Variants in EBF2 observed in about 807,000 individuals in gnomAD.
The protein encoded by EBF2 is EBF transcription factor 2.
EBF2 carries 21 observed loss-of-function variants against 72.8 expected under a neutral mutation model. The observed-to-expected ratio is 0.29, with a 90% confidence interval of 0.20 to 0.42. The LOEUF is 0.42. Ranked by LOEUF, EBF2 falls within the 10% of genes least tolerant of loss-of-function variation. The pLI is 1.00. For synonymous variants in EBF2, 299 were observed against 274.2 expected (o/e 1.09, Z -0.89); for missense variants, 637 against 731.2 (o/e 0.87, Z 1.49).
intron 6 of EBF2, among the ~76,000 whole-genome samples, chr8:25,944,680 TATA>T (rs1377436011): frequency 6.8e-6 from 1 of 147,958 alleles, no homozygotes; most frequent in East Asian, 1.9e-4. Context: ...TTGTATATTA[TATA>T]ATATATAAAT....
intron 6 of EBF2, among the ~76,000 whole-genome samples, chr8:25,986,851 T>C (rs1321225234): frequency 1.3e-5 from 2 of 152,192 alleles, no homozygotes; most frequent in African/African-American, 4.8e-5. Flanking sequence ...TGTAAGCAAC[T>C]GAACTCTCTT....
intron 6 of EBF2, among the ~76,000 whole-genome samples, chr8:25,934,224 T>TAC (rs71216403): frequency 0.023 from 3,191 of 136,760 alleles, 54 homozygotes; most frequent in South Asian, 0.038. Flanking sequence ...TTCATGTGCA[T>TAC]ACACACACAC....
At chr8:25,949,227 C>T (rs1441841382) in intron 6 of EBF2, among the ~76,000 whole-genome samples, 2 of 152,128 alleles carry the variant, frequency 1.3e-5, no homozygotes, top group Non-Finnish European at 2.9e-5. Context: ...CAAGGTTACA[C>T]AGCTAGAAAG....
At chr8:25,962,529 C>G (rs550581281) in intron 6 of EBF2, among the ~76,000 whole-genome samples, 167 of 151,404 alleles carry the variant, frequency 1.1e-3, no homozygotes, top group African/African-American at 3.6e-3. Flanking sequence ...TGGATCCACA[C>G]AGCCTGACCA....
At chr8:25,982,204 A>G (rs965814353) in intron 6 of EBF2, among the ~76,000 whole-genome samples, 2 of 152,302 alleles carry the variant, frequency 1.3e-5, no homozygotes, top group Admixed American at 1.3e-4. Context: ...TTCTTTTCCC[A>G]TACACCAATG....
chr8:25,853,816 T>C (rs1324386645), intron 14 of EBF2, among the ~76,000 whole-genome samples: 1 of 143,556 alleles, frequency 7.0e-6, no homozygotes, highest in Non-Finnish European at 1.5e-5. Context: ...AATAATCACA[T>C]GGAAATATAC....
chr8:26,009,825 T>A (rs1804947489), intron 6 of EBF2, among the ~76,000 whole-genome samples: 1 of 152,142 alleles, frequency 6.6e-6, no homozygotes, highest in South Asian at 2.1e-4. Flanking sequence ...ATTTCATGAA[T>A]CTCACATAAA....
intron 10 of EBF2, among the ~76,000 whole-genome samples, chr8:25,880,880 G>A (rs913991760): frequency 1.6e-4 from 25 of 151,830 alleles, no homozygotes; most frequent in African/African-American, 3.9e-4. Context: ...CCCTTAGCAC[G>A]TTATATCTTA....
In EBF2 at chr8:26,044,607, C is replaced by G; in HGVS notation, c.131+122G>C. 1 of 1,422,086 alleles carries G rather than the reference C, an allele frequency of 7.0e-7. No individual in the cohort carries two copies. Among genetic ancestry groups the G allele is most frequent in the Non-Finnish European group, 9.5e-7 (1 of 1,049,948 alleles). The allele number at this position is 1,422,086 out of a possible 1,614,324, so 88.1% of individuals were successfully genotyped here. On this transcript the variant is annotated intron_variant, in intron 1 of 15. Coordinates refer to ENST00000520164, the MANE Select transcript of EBF2 (RefSeq NM_022659.4). This position sits in a 1 kb window ranked among gnomAD's most constrained non-coding sequence, Gnocchi z 4.1. ...CGAGGGCGAGCCCCAGCGCGCAGGG[C>G]CTGGGCGACAGATGGGGGGACAGGG...
Position 26,002,912 on chromosome 8 carries a change from AGGCGGGCAGGCG to A in EBF2, c.551+30161_551+30172del, listed in dbSNP as rs1226185693. Among the ~76,000 whole-genome samples the A allele has an allele frequency of 7.8e-3, 548 of 70,304 alleles. 4 individuals are homozygous for A. Among genetic ancestry groups the A allele is most frequent in the African/African-American group, 0.038 (513 of 13,458 alleles). The allele number at this position is 70,304 out of a possible 152,430, so 46.1% of individuals were successfully genotyped here. A position where few individuals can be genotyped will look rare whatever the true frequency, so the allele number is the denominator to read the frequency against. ...CGGGCAGGCAGGCGGGCAGGCGGGC[AGGCGGGCAGGCG>A]GGCAGGCAGGCAGGCAGGCGGGCGG... On this transcript the variant is annotated intron_variant, in intron 6 of 15. Transcript: ENST00000520164.
chr8:25,844,710 A>G, intron 15 of EBF2, 70 bp from the exon 16 acceptor site: 1 of 1,573,980 alleles, frequency 6.4e-7, no homozygotes, highest in Non-Finnish European at 8.7e-7. Flanking sequence ...ACACAGAATG[A>G]GGGGCAGGGG....
At chr8:25,858,285 G>A in intron 14 of EBF2, 34 bp downstream of exon 14, 4 of 1,611,598 alleles carry the variant, frequency 2.5e-6, no homozygotes, top group Non-Finnish European at 3.4e-6. Context: ...AGACAAAAAA[G>A]CATGGAGAGC....
In EBF2 at chr8:26,045,360, A is replaced by G. The variant is rs372748122; in HGVS notation, c.-501T>C. 9.6e-3 allele frequency: 1,456 copies of G among 152,218 alleles called. 14 individuals are homozygous for G. The highest frequency in any genetic ancestry group is 0.014 in the Non-Finnish European group (970 of 68,144). The allele number at this position is 152,218 out of a possible 1,614,324, so 9.4% of individuals were successfully genotyped here. A position where few individuals can be genotyped will look rare whatever the true frequency, so the allele number is the denominator to read the frequency against. On this transcript the variant is annotated 5_prime_UTR_variant, in exon 1 of 16. Coordinates refer to ENST00000520164, the MANE Select transcript of EBF2 (RefSeq NM_022659.4). ...AGAGGAGGCGGTGGCTGCGAGCGCC[A>G]CGGAGCCCGGCTGCAGCCGCGCGCG...
intron 7 of EBF2, 123 bp from the exon 8 acceptor site, chr8:25,889,992 C>T: frequency 1.3e-6 from 1 of 778,422 alleles, no homozygotes; most frequent in South Asian, 1.4e-5. Flanking sequence ...TGGGACAGAA[C>T]TTGGGACTCA....
At chr8:25,942,446 G>C (rs929801234) in intron 6 of EBF2, among the ~76,000 whole-genome samples, 19 of 152,304 alleles carry the variant, frequency 1.2e-4, no homozygotes, top group African/African-American at 4.1e-4. Context: ...CATTCCACCA[G>C]TACTTGGGAT....
In EBF2 at chr8:25,850,575, A is replaced by C. The variant is rs76991437; in HGVS notation, c.1696+19T>G. On this transcript the variant is annotated intron_variant, in intron 15 of 15. Coordinates refer to ENST00000520164, the MANE Select transcript of EBF2 (RefSeq NM_022659.4). ...CCCTATGGTACATTGTGTATCCCCAAAATAGAACCCTTGCTTACCTCTGAA... is the reference window on the plus strand; with the variant it reads ...CCCTATGGTACATTGTGTATCCCCACAATAGAACCCTTGCTTACCTCTGAA... 1.7e-4 allele frequency: 258 copies of C among 1,530,572 alleles called. 1 individual carries two copies. The African/African-American group carries it at 2.7e-3, about 16-fold the overall frequency. The allele number at this position is 1,530,572 out of a possible 1,614,324, so 94.8% of individuals were successfully genotyped here.
chr8:25,954,338 T>G (rs1459459836), intron 6 of EBF2, among the ~76,000 whole-genome samples: 1 of 152,148 alleles, frequency 6.6e-6, no homozygotes, highest in East Asian at 1.9e-4. Context: ...ATGCACCACC[T>G]GAGTCTGGAG....
At chr8:26,038,864 G>A (rs967607919) in intron 5 of EBF2, among the ~76,000 whole-genome samples, 1 of 152,200 alleles carries the variant, frequency 6.6e-6, no homozygotes, top group Non-Finnish European at 1.5e-5. Context: ...GACTGGGTTG[G>A]GGAGGGAGAC....
In EBF2 at chr8:26,005,936, T is replaced by C. The variant is rs561850132; in HGVS notation, c.551+27149A>G. 1.2e-4 allele frequency among the ~76,000 whole-genome samples: 18 copies of C among 152,162 alleles called. No individual in the cohort carries two copies. In the South Asian group the frequency reaches 3.1e-3, roughly 26 times the overall value. ...AAGTAGCCGCAGTTTAATTTGTGGTTTTAAAATGGTCAGGGCCTCCATGCA... is the reference window on the plus strand; with the variant it reads ...AAGTAGCCGCAGTTTAATTTGTGGTCTTAAAATGGTCAGGGCCTCCATGCA... On this transcript the variant is annotated intron_variant, in intron 6 of 15. Transcript: ENST00000520164.
Sources: gnomAD v4.1 joint callset for allele counts (sites outside exome capture counted in the v4.1 genomes callset) on GRCh38, gnomAD v4.1.1 for gene constraint, Gnocchi (gnomAD v3.1) non-coding constraint, MANE v1.5 for transcripts, NCBI Gene and HGNC (gene_info 2026-07-23, HGNC 2026-07-21) for gene names.